The following MAGI2 variants were observed in gnomAD, a reference collection of about 807,000 sequenced individuals.
MAGI2 encodes membrane-associated guanylate kinase, WW and PDZ domain-containing protein 2.
A neutral mutation model predicts 133.3 loss-of-function variants in MAGI2; 35 were observed. The observed-to-expected ratio is 0.26, with a 90% CI of 0.20 to 0.35. MAGI2 has a LOEUF of 0.35. Ranked by LOEUF, MAGI2 falls within the 10% of genes least tolerant of loss-of-function variation. The pLI is 1.00. For synonymous variants in MAGI2, 729 were observed against 710.6 expected, an observed-to-expected ratio of 1.03 and a Z score of -0.41; for missense variants, 1,636 against 1,863.4, an observed-to-expected ratio of 0.88 and a Z score of 2.25.
At chr7:78,057,977 G>GTGTGTATATATA (rs762943472) in intron 21 of MAGI2, among the ~76,000 whole-genome samples, 2 of 106,610 alleles carry the variant, frequency 1.9e-5, no homozygotes, top group African/African-American at 6.7e-5. Context: ...ATATATATGT[G>GTGTGTATATATA]TATATATATA....
At chr7:78,271,610 T>TAATTA (rs941011855) in intron 9 of MAGI2, among the ~76,000 whole-genome samples, 42 of 152,310 alleles carry the variant, frequency 2.8e-4, no homozygotes, top group African/African-American at 8.2e-4. Context: ...GGTAGGCTAT[T>TAATTA]AATTATTGCC....
chr7:78,297,823 C>T (rs1299030627), intron 9 of MAGI2, among the ~76,000 whole-genome samples: 14 of 95,342 alleles, frequency 1.5e-4, no homozygotes, highest in African/African-American at 5.0e-4. Context: ...ACTCTGGGGA[C>T]TGTTGTGGGG....
intron 2 of MAGI2, among the ~76,000 whole-genome samples, chr7:78,782,408 A>G (rs1355905486): frequency 6.6e-6 from 1 of 152,104 alleles, no homozygotes; most frequent in East Asian, 1.9e-4. Flanking sequence ...GAGTCCTTTG[A>G]TAAAGGAGTG....
intron 2 of MAGI2, among the ~76,000 whole-genome samples, chr7:78,929,355 T>A (rs1799941993): frequency 6.6e-6 from 1 of 152,076 alleles, no homozygotes; most frequent in Non-Finnish European, 1.5e-5. Context: ...CAACTTACTA[T>A]AAAAAGGCTG....
intron 2 of MAGI2, among the ~76,000 whole-genome samples, chr7:78,990,935 CACACACAG>C (rs1805705324): frequency 6.7e-6 from 1 of 149,010 alleles, no homozygotes; most frequent in African/African-American, 2.5e-5. Flanking sequence ...CACACACACA[CACACACAG>C]AGATATGGTT....
chr7:79,447,902 A>T (rs1427500790), intron 1 of MAGI2, among the ~76,000 whole-genome samples: 1 of 151,902 alleles, frequency 6.6e-6, no homozygotes, highest in East Asian at 1.9e-4. Context: ...AACTTTTATT[A>T]TTGTTATTCT....
intron 3 of MAGI2, among the ~76,000 whole-genome samples, chr7:78,573,327 T>A (rs1801888470): frequency 4.1e-5 from 3 of 72,356 alleles, no homozygotes; most frequent in Non-Finnish European, 7.0e-5. Context: ...TATAAATATA[T>A]ATATAAATAT....
rs940872804 is a variant in MAGI2 at position 79,425,112 on chromosome 7, G to A, written c.301+27908C>T. On this transcript the variant is annotated intron_variant, in intron 1 of 21. Coordinates refer to ENST00000354212, the MANE Select transcript of MAGI2 (RefSeq NM_012301.4). The stretch of plus-strand genomic sequence containing the variant: ...AAAATAGAAAAAAAATTAGCTGGGA[G>A]TGGTGGTGGGTGTCTGTAATCCCAG... Among the ~76,000 whole-genome samples, 4 of 152,094 alleles carry A rather than the reference G, an allele frequency of 2.6e-5. 1 individual carries two copies.
At chr7:79,448,442 T>G (rs953360887) in intron 1 of MAGI2, among the ~76,000 whole-genome samples, 26 of 152,254 alleles carry the variant, frequency 1.7e-4, no homozygotes, top group African/African-American at 6.3e-4. Flanking sequence ...ACCAATATGT[T>G]TGCAATAGCA....
chr7:79,256,069 G>T (rs931243586), intron 1 of MAGI2, among the ~76,000 whole-genome samples: 1 of 152,106 alleles, frequency 6.6e-6, no homozygotes, highest in African/African-American at 2.4e-5. Flanking sequence ...GTTGAAAAGG[G>T]TCATATAGAT....
intron 16 of MAGI2, among the ~76,000 whole-genome samples, chr7:78,141,074 G>C (rs918436584): frequency 6.6e-6 from 1 of 152,068 alleles, no homozygotes. Context: ...AGCTCTCTTA[G>C]AAAAAACTTA....
chr7:79,136,505 C>T (rs1214983153), intron 1 of MAGI2, among the ~76,000 whole-genome samples: 2 of 152,198 alleles, frequency 1.3e-5, no homozygotes, highest in African/African-American at 2.4e-5. Context: ...GAAATAACCT[C>T]ATATTTGCCT....
intron 2 of MAGI2, among the ~76,000 whole-genome samples, chr7:78,767,269 G>A (rs1024257364): frequency 3.9e-5 from 6 of 152,042 alleles, no homozygotes; most frequent in African/African-American, 4.8e-5. Flanking sequence ...GATTACAGGC[G>A]TGAGCCACCA....
chr7:78,581,044 T>A (rs1476910748), intron 3 of MAGI2, among the ~76,000 whole-genome samples: 1 of 152,214 alleles, frequency 6.6e-6, no homozygotes, highest in Non-Finnish European at 1.5e-5. Flanking sequence ...TAGGGATGCA[T>A]AATTTCAGCT....
chr7:79,171,768 ATATTTT>A (rs1179506416), intron 1 of MAGI2, among the ~76,000 whole-genome samples: 656 of 20,854 alleles, frequency 0.031, 10 homozygotes, highest in African/African-American at 0.061. Context: ...ATATATATAT[ATATTTT>A]TTTTTTTTTT....
chr7:78,458,767 T>G (rs1366373754), intron 6 of MAGI2, among the ~76,000 whole-genome samples: 2 of 151,864 alleles, frequency 1.3e-5, no homozygotes, highest in African/African-American at 4.8e-5. Flanking sequence ...CCCGAGTAGG[T>G]GGGACTACAG....
chr7:78,979,276 G>A (rs566907894), intron 2 of MAGI2, among the ~76,000 whole-genome samples: 31 of 151,774 alleles, frequency 2.0e-4, no homozygotes, highest in Admixed American at 5.3e-4. Context: ...AGAAATGGCT[G>A]ATTGGGGCAG....
intron 4 of MAGI2, among the ~76,000 whole-genome samples, chr7:78,502,082 G>T (rs1794678039): frequency 6.6e-6 from 1 of 152,086 alleles, no homozygotes; most frequent in Non-Finnish European, 1.5e-5. Flanking sequence ...GGCCCCTGAA[G>T]ATATTCATAT....
intron 21 of MAGI2, among the ~76,000 whole-genome samples, chr7:78,073,321 T>G (rs1371678130): frequency 2.0e-5 from 3 of 151,868 alleles, no homozygotes; most frequent in African/African-American, 2.4e-5. Context: ...TTTCTCCCCC[T>G]TGGTGTGGGT....
Sources: allele counts gnomAD v4.1 joint callset (sites outside exome capture counted in the v4.1 genomes callset), GRCh38; gene constraint gnomAD v4.1.1; transcripts MANE v1.5; gene names NCBI Gene and HGNC (gene_info 2026-07-23, HGNC 2026-07-21).